The following PRKAR2B variants were observed in gnomAD, a reference collection of about 807,000 sequenced individuals.
PRKAR2B encodes cAMP-dependent protein kinase type II-beta regulatory subunit.
PRKAR2B carries 14 observed loss-of-function variants against 49.9 expected under a neutral mutation model. The ratio of observed to expected loss-of-function variants is 0.28; its 90% confidence interval spans 0.19 to 0.44. The LOEUF is 0.44. Ranked by LOEUF, PRKAR2B falls within the 20% of genes least tolerant of loss-of-function variation. The pLI is 1.00. For synonymous variants in PRKAR2B, 196 were observed against 197.7 expected (o/e 0.99, Z 0.07); for missense variants, 393 against 537.9 (o/e 0.73, Z 2.67).
intron 3 of PRKAR2B, among the ~76,000 whole-genome samples, chr7:107,122,714 A>G (rs1795410393): frequency 6.6e-6 from 1 of 152,194 alleles, no homozygotes; most frequent in Non-Finnish European, 1.5e-5. Flanking sequence ...GTAGCTCTGA[A>G]AAGTACATAA....
chr7:107,141,829 A>T (rs988245071), intron 5 of PRKAR2B, among the ~76,000 whole-genome samples: 2 of 152,246 alleles, frequency 1.3e-5, no homozygotes, highest in Admixed American at 6.5e-5. Flanking sequence ...TCCTTCCAAG[A>T]ATTGTATATT....
chr7:107,109,161 G>A (rs1215880133), intron 2 of PRKAR2B, among the ~76,000 whole-genome samples: 1 of 152,200 alleles, frequency 6.6e-6, no homozygotes, highest in Non-Finnish European at 1.5e-5. Context: ...GTAAACTGTT[G>A]TGGTGCTGGT....
intron 8 of PRKAR2B, among the ~76,000 whole-genome samples, chr7:107,154,702 C>G (rs764296622): frequency 3.3e-5 from 5 of 152,148 alleles, no homozygotes; most frequent in Non-Finnish European, 7.3e-5. Flanking sequence ...TTAAGTTTCT[C>G]CAGAATCACT....
rs563963843 is a variant in PRKAR2B, at chr7:107,107,677, A to C, written c.344-14275A>C. ...ATATGACAAAAGAGGTGTTTTTTTT[A>C]AGACAGAGTCTCGCTCTGTCACCAG... On this transcript the variant is annotated intron_variant, in intron 2 of 10. Coordinates refer to ENST00000265717, the MANE Select transcript of PRKAR2B (RefSeq NM_002736.3). Among the ~76,000 whole-genome samples the C allele has an allele frequency of 1.4e-4, 22 of 151,738 alleles. No individual in the cohort carries two copies. In the East Asian group the frequency reaches 4.3e-3, roughly 30 times the overall value.
intron 2 of PRKAR2B, among the ~76,000 whole-genome samples, chr7:107,082,748 C>G (rs1160638376): frequency 6.6e-6 from 1 of 151,934 alleles, no homozygotes; most frequent in Non-Finnish European, 1.5e-5. Flanking sequence ...TGCGTGCCAC[C>G]AAGCTCAGCT....
chr7:107,049,905 A>C (rs1253319693), intron 1 of PRKAR2B, among the ~76,000 whole-genome samples: 1 of 152,258 alleles, frequency 6.6e-6, no homozygotes, highest in African/African-American at 2.4e-5. Context: ...TAAAATATTG[A>C]AGCCATTATT....
chr7:107,157,120 T>C (rs1796107313), intron 9 of PRKAR2B, 66 bp from the exon 10 acceptor site: 1 of 1,607,134 alleles, frequency 6.2e-7, no homozygotes, highest in Non-Finnish European at 8.5e-7. Context: ...TTTTGATGTT[T>C]AGACTGAGGT....
intron 3 of PRKAR2B, among the ~76,000 whole-genome samples, chr7:107,126,088 A>T (rs866031975): frequency 6.5e-4 from 12 of 18,428 alleles, no homozygotes; most frequent in Admixed American, 3.0e-3. Context: ...ACTGTGTCTT[A>T]AAAAAAAAAA....
At chr7:107,126,475 A>T (rs1431308424) in intron 3 of PRKAR2B, among the ~76,000 whole-genome samples, 1 of 151,430 alleles carries the variant, frequency 6.6e-6, no homozygotes, top group Non-Finnish European at 1.5e-5. Context: ...AGCAGGAAGA[A>T]GAGAGAAGAG....
chr7:107,156,622 G>A lies in PRKAR2B; in HGVS notation c.919-362G>A, dbSNP rs369720747. Reference sequence around the variant, plus strand: ...AGATCAAGACCATCCTGGCTAACACGTTGAAACCCCGTCTCTACTAAAAAT... The same window carrying A: ...AGATCAAGACCATCCTGGCTAACACATTGAAACCCCGTCTCTACTAAAAAT... On this transcript the variant is annotated intron_variant, in intron 8 of 10. Transcript: ENST00000265717. Among the ~76,000 whole-genome samples, 39 of 152,148 alleles carry A rather than the reference G, an allele frequency of 2.6e-4. No individual in the cohort carries two copies. In the East Asian group the frequency reaches 2.9e-3, roughly 11 times the overall value.
chr7:107,090,285 A>G (rs1414365271), intron 2 of PRKAR2B, among the ~76,000 whole-genome samples: 1 of 152,152 alleles, frequency 6.6e-6, no homozygotes, highest in African/African-American at 2.4e-5. Flanking sequence ...TACTTGCTCC[A>G]TATGGTGAGG....
chr7:107,141,837 A>G (rs1298524412), intron 5 of PRKAR2B, among the ~76,000 whole-genome samples: 3 of 152,206 alleles, frequency 2.0e-5, no homozygotes, highest in African/African-American at 7.2e-5. Flanking sequence ...AGAATTGTAT[A>G]TTATTATATT....
intron 1 of PRKAR2B, among the ~76,000 whole-genome samples, chr7:107,054,298 G>A (rs1020581009): frequency 6.6e-6 from 1 of 152,166 alleles, no homozygotes; most frequent in Admixed American, 6.5e-5. Flanking sequence ...AGCTTGCAGT[G>A]AGCTGAGATC....
Position 107,150,946 on chromosome 7 carries a change from A to G in PRKAR2B, c.766A>G (p.Ile256Val). 1 of 1,599,512 alleles carries G rather than the reference A, an allele frequency of 6.3e-7. No homozygotes were observed. Among genetic ancestry groups the G allele is most frequent in the Non-Finnish European group, 8.5e-7 (1 of 1,173,786 alleles). ...GGACAGGGTAACCTTCAGGAGAATA[A>G]TTGTGAAAAACAATGCCAAAAAGAG... ...GLDRVTFRRI[I>V]VKNNAKKRKM... The change falls in exon 7 of 11, where the codon ATT (isoleucine) becomes GTT (valine). Residue 256 changes from isoleucine (I) to valine (V), a missense_variant. Around this residue, in one of 2 missense-constraint regions of PRKAR2B, gnomAD observed 233 missense variants for 390.4 expected, o/e 0.60. Transcript: ENST00000265717.
intron 2 of PRKAR2B, among the ~76,000 whole-genome samples, chr7:107,082,994 A>C (rs1484449948): frequency 6.6e-6 from 1 of 152,150 alleles, no homozygotes; most frequent in Non-Finnish European, 1.5e-5. Context: ...GAGAGTCACA[A>C]TGTGTGTCTC....
chr7:107,049,845 T>A (rs1793767712), intron 1 of PRKAR2B, among the ~76,000 whole-genome samples: 1 of 152,224 alleles, frequency 6.6e-6, no homozygotes, highest in African/African-American at 2.4e-5. Flanking sequence ...GAGATTTACA[T>A]GGTGGTTTTA....
intron 2 of PRKAR2B, among the ~76,000 whole-genome samples, chr7:107,075,581 A>G (rs1004780740): frequency 4.0e-5 from 6 of 151,776 alleles, no homozygotes; most frequent in Non-Finnish European, 7.4e-5. Context: ...TGTATGTTTT[A>G]TAGAGACAGG....
chr7:107,064,197 T>G (rs1414152967), intron 1 of PRKAR2B, among the ~76,000 whole-genome samples: 2 of 152,228 alleles, frequency 1.3e-5, no homozygotes, highest in African/African-American at 4.8e-5. Context: ...TCTCTCTTTT[T>G]CTAAGAGGGC....
At chr7:107,045,371 A>G (rs1793669461) in intron 1 of PRKAR2B, among the ~76,000 whole-genome samples, 157 bp downstream of exon 1, 1 of 150,224 alleles carries the variant, frequency 6.7e-6, no homozygotes, top group African/African-American at 2.5e-5. Context: ...CTCAGCATCC[A>G]TTTCTGTCTC....
Sources: allele counts gnomAD v4.1 joint callset (sites outside exome capture counted in the v4.1 genomes callset), GRCh38; gene constraint gnomAD v4.1.1; regional missense constraint gnomAD v4.1.1; transcripts MANE v1.5; gene names NCBI Gene and HGNC (gene_info 2026-07-23, HGNC 2026-07-21).